Variants in RAB40C observed in about 807,000 individuals in gnomAD.
RAB40C encodes ras-related protein Rab-40C.
A neutral mutation model predicts 28.1 loss-of-function variants in RAB40C; 8 were observed. The ratio of observed to expected loss-of-function variants is 0.28; its 90% CI spans 0.17 to 0.51. The LOEUF (loss-of-function observed/expected upper bound fraction) is 0.51, where lower values mean the gene tolerates loss of function less well. Ranked by LOEUF, RAB40C falls within the 20% of genes least tolerant of loss-of-function variation. The pLI, the probability that RAB40C is intolerant of heterozygous loss-of-function variation, is 0.97. For missense variants in RAB40C, 288 were observed against 405.9 expected, an observed-to-expected ratio of 0.71 and a Z score of 2.50; for synonymous variants, 201 against 171.7, an observed-to-expected ratio of 1.17 and a Z score of -1.34.
intron 1 of RAB40C, among the ~76,000 whole-genome samples, chr16:592,932 A>G (rs1320746745): frequency 6.6e-6 from 1 of 152,202 alleles, no homozygotes; most frequent in Non-Finnish European, 1.5e-5. Context: ...AGTATTGTGT[A>G]AGACGTGGAG....
chr16:602,080 T>G (rs957186617), intron 1 of RAB40C, among the ~76,000 whole-genome samples: 1 of 152,048 alleles, frequency 6.6e-6, no homozygotes, highest in African/African-American at 2.4e-5. Flanking sequence ...GAGCCGAGAT[T>G]GCACCACTGC....
At chr16:621,622 G>C (rs1259918342) in intron 3 of RAB40C, among the ~76,000 whole-genome samples, 2 of 152,232 alleles carry the variant, frequency 1.3e-5, no homozygotes, top group East Asian at 3.8e-4. Context: ...GATCTGAGAC[G>C]GCCCCTCTCA....
intron 1 of RAB40C, among the ~76,000 whole-genome samples, chr16:594,869 GAGTGC>G (rs928796170): frequency 6.6e-6 from 1 of 151,016 alleles, no homozygotes; most frequent in African/African-American, 2.4e-5. Flanking sequence ...GCGCAGGCTG[GAGTGC>G]AGTGGCGCGA....
chr16:613,705 G>C (rs775310196), intron 1 of RAB40C, among the ~76,000 whole-genome samples: 3 of 152,100 alleles, frequency 2.0e-5, no homozygotes, highest in Admixed American at 2.0e-4. Context: ...TTCCCCAGAG[G>C]ATAGTTTGTC....
At chr16:603,791 C>CCCCCAGT (rs2036303205) in intron 1 of RAB40C, among the ~76,000 whole-genome samples, 1 of 152,272 alleles carries the variant, frequency 6.6e-6, no homozygotes, top group East Asian at 1.9e-4. Flanking sequence ...CAGCCCCCAG[C>CCCCCAGT]AGTCGGCTTC....
chr16:590,433 G>A lies in RAB40C; in HGVS notation c.142G>A (p.Gly48Arg). 6.3e-7 allele frequency: 1 copy of A among 1,584,584 alleles called. No homozygotes were observed. Among genetic ancestry groups the A allele is most frequent in the Non-Finnish European group, 8.6e-7 (1 of 1,167,900 alleles). Residue 48 changes from glycine (G) to arginine (R), a missense_variant and splice_region_variant, in exon 1 of 6, where the codon GGG (glycine) becomes AGG (arginine). Coordinates refer to ENST00000248139, the MANE Select transcript of RAB40C (RefSeq NM_021168.5). ...AAESPYAYSN[G>R]IDYKTTTILL... ...AGAGTCCCCGTACGCCTACAGTAACGGTAAGGCCCGGCCCGCGGCGCGCGC... is the reference window on the plus strand; with the variant it reads ...AGAGTCCCCGTACGCCTACAGTAACAGTAAGGCCCGGCCCGCGGCGCGCGC...
At chr16:625,224 C>A (rs1002806880) in intron 3 of RAB40C, 1 of 1,437,394 alleles carries the variant, frequency 7.0e-7, no homozygotes, top group Non-Finnish European at 9.2e-7. Context: ...CGCCCACCCC[C>A]CTGCTGCAGT....
Position 603,690 on chromosome 16 carries a change from T to C in RAB40C, c.142+13257T>C, listed in dbSNP as rs564331497. 7.2e-5 allele frequency among the ~76,000 whole-genome samples: 11 copies of C among 152,276 alleles called. No homozygotes were observed. In the East Asian group the frequency reaches 1.9e-3, roughly 27 times the overall value. Reference sequence around the variant, plus strand: ...ACAGTTCTATGAGTTTTGGCACATATATGTACCTATGCAGCCAGTACCCTC... The same window carrying C: ...ACAGTTCTATGAGTTTTGGCACATACATGTACCTATGCAGCCAGTACCCTC... On this transcript the variant is annotated intron_variant, in intron 1 of 5. Transcript: ENST00000248139.
intron 3 of RAB40C, among the ~76,000 whole-genome samples, chr16:620,133 G>A (rs530421014): frequency 6.6e-6 from 1 of 152,208 alleles, no homozygotes; most frequent in African/African-American, 2.4e-5. Flanking sequence ...GGTGGTTCAC[G>A]CCTGTAATCC....
chr16:594,818 C>CTTTTTTTTT (rs1006905623), intron 1 of RAB40C, among the ~76,000 whole-genome samples: 5 of 130,326 alleles, frequency 3.8e-5, no homozygotes, highest in Non-Finnish European at 5.0e-5. Flanking sequence ...GCTCGTCTTC[C>CTTTTTTTTT]TTTTTTTTTT....
rs544207077 is a variant in RAB40C, at chr16:599,560, G to A, written c.142+9127G>A. On this transcript the variant is annotated intron_variant, in intron 1 of 5. Coordinates refer to ENST00000248139, the MANE Select transcript of RAB40C (RefSeq NM_021168.5). ...CACCCGTGGGTGTTCGCTACTGTCAGCGTGGATTCAGCAAGGTTTTGTTCC... is the reference window on the plus strand; with the variant it reads ...CACCCGTGGGTGTTCGCTACTGTCAACGTGGATTCAGCAAGGTTTTGTTCC... Among the ~76,000 whole-genome samples, 18 of 150,210 alleles carry A rather than the reference G, an allele frequency of 1.2e-4. No individual in the cohort carries two copies. The East Asian group carries it at 3.5e-3, about 29-fold the overall frequency.
intron 1 of RAB40C, among the ~76,000 whole-genome samples, chr16:616,470 C>G (rs1433190164): frequency 1.3e-5 from 2 of 151,842 alleles, no homozygotes; most frequent in Non-Finnish European, 2.9e-5. Flanking sequence ...TCCCGAGTAG[C>G]TGGGATTAAA....
At chr16:626,229 C>T (rs1456605661) in intron 5 of RAB40C, 108 bp downstream of exon 5, 6 of 1,185,496 alleles carry the variant, frequency 5.1e-6, no homozygotes, top group East Asian at 2.4e-5. Flanking sequence ...CAGGCAGGTC[C>T]CTTGGCAACG....
chr16:619,073 C>T (rs894396048), intron 3 of RAB40C, among the ~76,000 whole-genome samples: 7 of 122,440 alleles, frequency 5.7e-5, no homozygotes, highest in African/African-American at 1.3e-4. Context: ...TGGGTGCACT[C>T]GGCCATGTGT....
intron 1 of RAB40C, among the ~76,000 whole-genome samples, chr16:598,836 A>G (rs978325309): frequency 6.6e-6 from 1 of 152,210 alleles, no homozygotes; most frequent in African/African-American, 2.4e-5. Flanking sequence ...GGCCGGATGT[A>G]AGAACCTCAT....
intron 1 of RAB40C, among the ~76,000 whole-genome samples, chr16:597,662 A>G (rs1412735438): frequency 2.6e-5 from 4 of 151,458 alleles, no homozygotes; most frequent in African/African-American, 9.7e-5. Flanking sequence ...AATTTTTTAC[A>G]TTTTTAGTAG....
intron 1 of RAB40C, among the ~76,000 whole-genome samples, chr16:591,979 C>T (rs2036009374): frequency 6.6e-6 from 1 of 152,164 alleles, no homozygotes; most frequent in African/African-American, 2.4e-5. Flanking sequence ...CTGAGCATGC[C>T]TCTTAATTTA....
At chr16:601,510 G>A (rs1457827691) in intron 1 of RAB40C, among the ~76,000 whole-genome samples, 2 of 152,076 alleles carry the variant, frequency 1.3e-5, no homozygotes, top group African/African-American at 2.4e-5. Flanking sequence ...GGTCCCCGCC[G>A]CAGCCGCGTC....
chr16:623,921 G>A, intron 3 of RAB40C: 1 of 981,672 alleles, frequency 1.0e-6, no homozygotes, highest in South Asian at 4.7e-5. Flanking sequence ...GGCTGACAGA[G>A]TGAGACCCTG....
Sources: allele counts gnomAD v4.1 joint callset (sites outside exome capture counted in the v4.1 genomes callset), GRCh38; gene constraint gnomAD v4.1.1; transcripts MANE v1.5; gene names NCBI Gene and HGNC (gene_info 2026-07-23, HGNC 2026-07-21).